HEXA: variants seen among roughly 807,000 people sequenced by gnomAD.
The protein encoded by HEXA is hexosaminidase subunit alpha.
HEXA carries 54 observed loss-of-function variants against 73.3 expected under a neutral mutation model. The ratio of observed to expected loss-of-function variants is 0.74; its 90% CI spans 0.59 to 0.92. The LOEUF (loss-of-function observed/expected upper bound fraction) is 0.92. HEXA is among the 40% of genes least tolerant of loss of function. HEXA has a pLI of 0.00. For synonymous variants in HEXA, 230 were observed against 246.9 expected, an observed-to-expected ratio of 0.93 and a Z score of 0.64; for missense variants, 649 against 653.0, an observed-to-expected ratio of 0.99 and a Z score of 0.07.
chr15:72,345,972 T>C, intron 12 of HEXA: 1 of 559,734 alleles, frequency 1.8e-6, no homozygotes, highest in Non-Finnish European at 3.2e-6. Flanking sequence ...TCACCTATGT[T>C]CTCCAGGCCT....
chr15:72,346,881 A>C (rs1595797449), intron 10 of HEXA, 171 bp from the exon 11 acceptor site: 1 of 693,010 alleles, frequency 1.4e-6, no homozygotes, highest in Admixed American at 2.1e-5. Flanking sequence ...ACAGAGGCCA[A>C]GGAATCCAGG....
intron 7 of HEXA, among the ~76,000 whole-genome samples, chr15:72,349,634 C>CCA (rs1326640119): frequency 5.9e-5 from 9 of 152,252 alleles, no homozygotes; most frequent in African/African-American, 2.2e-4. Flanking sequence ...TCTTCTCTAT[C>CCA]TCCTCCTGTA....
chr15:72,366,155 AG>A (rs2088913398), intron 1 of HEXA, among the ~76,000 whole-genome samples: 1 of 152,112 alleles, frequency 6.6e-6, no homozygotes, highest in Non-Finnish European at 1.5e-5. Context: ...CCCACATCAT[AG>A]GGTTGAGATA....
chr15:72,349,389 G>A, intron 7 of HEXA, 130 bp from the exon 8 acceptor site: 1 of 743,828 alleles, frequency 1.3e-6, no homozygotes. Flanking sequence ...ATTTAGGTAG[G>A]CACACTTAGG....
intron 1 of HEXA, chr15:72,357,025 A>G (rs1329144956): frequency 6.1e-6 from 2 of 326,152 alleles, no homozygotes; most frequent in African/African-American, 2.1e-5. Flanking sequence ...GCTGGTCACT[A>G]TATAGAAAAC....
intron 2 of HEXA, chr15:72,355,868 A>C: frequency 1.7e-6 from 1 of 580,108 alleles, no homozygotes; most frequent in South Asian, 1.5e-5. Flanking sequence ...ATGTACAGCA[A>C]GAGTCAGGCT....
intron 1 of HEXA, among the ~76,000 whole-genome samples, chr15:72,365,103 T>G (rs907314068): frequency 1.3e-5 from 2 of 152,138 alleles, no homozygotes; most frequent in African/African-American, 4.8e-5. Flanking sequence ...TTTACTCTTT[T>G]TTTTGAGACG....
chr15:72,350,481 C>A, intron 7 of HEXA, 37 bp downstream of exon 7: 1 of 1,610,622 alleles, frequency 6.2e-7, no homozygotes, highest in Non-Finnish European at 8.5e-7. Flanking sequence ...CTGAGCATAA[C>A]AAGCAGAGTC....
In HEXA at chr15:72,375,946, C is replaced by A. The variant is rs1185608839; in HGVS notation, c.27G>T (p.Ser9=). ...CTGCGAACGCTGCCGCCAGCAGCAGCGAAAACCAAAGCCTGGAGCTTGTCA... is the reference window on the plus strand; with the variant it reads ...CTGCGAACGCTGCCGCCAGCAGCAGAGAAAACCAAAGCCTGGAGCTTGTCA... MTSSRLWF[S]LLLAAAFAGR... Residue 9 remains serine, a synonymous_variant, in exon 1 of 14, where the codon TCG becomes TCT. Transcript: ENST00000268097. The A allele has an allele frequency of 6.2e-7, 1 of 1,613,926 alleles. No individual in the cohort carries two copies. Among genetic ancestry groups the A allele is most frequent in the African/African-American group, 1.3e-5 (1 of 74,934 alleles).
intron 1 of HEXA, among the ~76,000 whole-genome samples, chr15:72,369,507 C>G (rs1042466416): frequency 6.6e-6 from 1 of 152,116 alleles, no homozygotes; most frequent in Non-Finnish European, 1.5e-5. Context: ...AGAGTGATCC[C>G]TTTCTTTTGT....
chr15:72,375,584 G>T, intron 1 of HEXA, 136 bp downstream of exon 1: 1 of 903,052 alleles, frequency 1.1e-6, no homozygotes, highest in Non-Finnish European at 1.7e-6. Context: ...ACCTAATGCA[G>T]CTCGAGGAGG....
rs199578185 is a variant in HEXA, at chr15:72,349,181, T to C, written c.884A>G (p.Asn295Ser). The change falls in exon 8 of 14, where the codon AAT becomes AGT. Residue 295 changes from asparagine to serine, a missense_variant. Coordinates refer to ENST00000268097, the MANE Select transcript of HEXA (RefSeq NM_000520.6). ...TGTGCTCATGAACTCATAGGTATTA[T>C]TGAGACTGGGATTCACTGGTCCAAA... is the stretch of plus-strand genomic sequence containing the variant. Reference protein sequence around the residue: ...GTFGPVNPSLNNTYEFMSTFF... With the variant: ...GTFGPVNPSLSNTYEFMSTFF... 4.3e-6 allele frequency: 7 copies of C among 1,613,764 alleles called. No individual in the cohort carries two copies. Among genetic ancestry groups the C allele is most frequent in the East Asian group, 4.5e-5 (2 of 44,888 alleles).
chr15:72,373,681 TG>T (rs1435360698), intron 1 of HEXA, among the ~76,000 whole-genome samples: 1 of 152,134 alleles, frequency 6.6e-6, no homozygotes, highest in East Asian at 1.9e-4. Flanking sequence ...GCTATAGCAA[TG>T]GAGGTGAAGG....
At chr15:72,345,752 G>A in intron 12 of HEXA, 1 of 699,638 alleles carries the variant, frequency 1.4e-6, no homozygotes, top group Non-Finnish European at 2.4e-6. Flanking sequence ...TTAAAATGTG[G>A]GTAGCAATCC....
At position 72,375,771 on chromosome 15, in the gene HEXA, A is replaced by C. The variant is rs760202948; in HGVS notation, c.202T>G (p.Tyr68Asp). ...CSVLDEAFQR[Y>D]RDLLFGSGSW... ...CCGGAACCGAAAAGCAGGTCACGAT[A>C]GCGCTGGAAGGCCTCGTCGAGGACT... The change falls in exon 1 of 14, where the codon TAT becomes GAT. Residue 68 changes from tyrosine (Y) to aspartate (D), a missense_variant. Tyr to Asp is a radical substitution (Grantham distance 160). Transcript: ENST00000268097. The C allele has an allele frequency of 1.2e-6, 2 of 1,614,244 alleles. No homozygotes were observed. Among genetic ancestry groups the C allele is most frequent in the South Asian group, 2.2e-5 (2 of 91,090 alleles).
At chr15:72,344,284 A>C in intron 13 of HEXA, 144 bp from the exon 14 acceptor site, 94 of 685,108 alleles carry the variant, frequency 1.4e-4, no homozygotes, top group Middle Eastern at 2.4e-4. Context: ...TGGGAATCTC[A>C]ATTCCAGAGA....
At chr15:72,361,216 C>T (rs1306722294) in intron 1 of HEXA, among the ~76,000 whole-genome samples, 2 of 152,192 alleles carry the variant, frequency 1.3e-5, no homozygotes, top group Admixed American at 1.3e-4. Flanking sequence ...CCACTCACTC[C>T]TTCTGGGACC....
chr15:72,354,155 A>G, intron 3 of HEXA: 2 of 181,110 alleles, frequency 1.1e-5, no homozygotes, highest in Non-Finnish European at 2.3e-5. Flanking sequence ...AGCTGAGAAA[A>G]GGGGTCCCAG....
At chr15:72,346,206 C>T in intron 12 of HEXA, 29 bp downstream of exon 12, 1 of 1,562,036 alleles carries the variant, frequency 6.4e-7, no homozygotes, top group East Asian at 2.2e-5. Flanking sequence ...TCAGGCCCAA[C>T]CCTCCACCTC....
Sources: gnomAD v4.1 joint callset for allele counts (sites outside exome capture counted in the v4.1 genomes callset) on GRCh38, gnomAD v4.1.1 for gene constraint, MANE v1.5 for transcripts, NCBI Gene and HGNC (gene_info 2026-07-23, HGNC 2026-07-21) for gene names.